The following CNGA2 variants were observed in gnomAD, a reference collection of about 807,000 sequenced individuals.
The protein encoded by CNGA2 is cyclic nucleotide-gated channel alpha-2.
In CNGA2, 22 loss-of-function variants were observed where a neutral mutation model predicts 35.9. The observed-to-expected ratio is 0.61, with a 90% CI of 0.44 to 0.88. The LOEUF (loss-of-function observed/expected upper bound fraction) is 0.88. Ranked by LOEUF, CNGA2 falls within the 40% of genes least tolerant of loss-of-function variation. CNGA2 has a pLI of 0.00. For synonymous variants in CNGA2, 217 were observed against 209.2 expected (o/e 1.04, Z -0.32); for missense variants, 555 against 530.8 (o/e 1.05, Z -0.45).
In CNGA2 at chrX:151,742,519, G is replaced by A. The variant is rs2015314954; in HGVS notation, c.483-17G>A. The A allele has an allele frequency of 2.5e-6, 3 of 1,180,507 alleles. No individual in the cohort carries two copies. The African/African-American group carries it at 5.3e-5, about 21-fold the overall frequency. ...TGGCTGGCTTTGGGGGTGAAGCTTA[G>A]CCCTGTCCTCCCGCAGAGCCTGCTT... is the stretch of plus-strand genomic sequence containing the variant. On this transcript the variant is annotated splice_polypyrimidine_tract_variant and intron_variant, in intron 5 of 6. Coordinates refer to ENST00000329903, the MANE Select transcript of CNGA2 (RefSeq NM_005140.3).
intron 1 of CNGA2, among the ~76,000 whole-genome samples, chrX:151,736,052 T>C (rs986424099): frequency 3.6e-5 from 4 of 111,605 alleles, no homozygotes; most frequent in African/African-American, 1.3e-4. Flanking sequence ...TGCAGACAGC[T>C]CCCTTCCTGA....
At chrX:151,740,003 G>A (rs988195381) in intron 4 of CNGA2, among the ~76,000 whole-genome samples, 3 of 112,315 alleles carry the variant, frequency 2.7e-5, no homozygotes, top group South Asian at 3.7e-4. Context: ...TGAATGTATA[G>A]CCCAGTTCCA....
Position 151,743,259 on chromosome X carries a change from C to T in CNGA2, c.756C>T (p.His252=). 1.7e-6 allele frequency: 2 copies of T among 1,208,438 alleles called. No individual in the cohort carries two copies. The highest frequency in any genetic ancestry group is 2.2e-6 in the Non-Finnish European group (2 of 894,871). ...SPEVRFNRLL[H]FARMFEFFDR... is the part of the protein sequence containing the mutation. ...AGGTGCGCTTCAACCGCCTGCTGCA[C>T]TTTGCCCGCATGTTTGAGTTCTTTG... The change falls in exon 7 of 7, where the codon CAC becomes CAT. Residue 252 remains histidine, a synonymous_variant. Coordinates refer to ENST00000329903, the MANE Select transcript of CNGA2 (RefSeq NM_005140.3).
At chrX:151,737,164 A>ACAG (rs2015255143) in intron 1 of CNGA2, among the ~76,000 whole-genome samples, 1 of 111,796 alleles carries the variant, frequency 8.9e-6, no homozygotes, top group Non-Finnish European at 1.9e-5. Context: ...CAGCTTCCGG[A>ACAG]CTGTGGGTCC....
At chrX:151,738,678 G>T in intron 2 of CNGA2, 85 bp downstream of exon 2, 1 of 1,094,730 alleles carries the variant, frequency 9.1e-7, no homozygotes, top group Non-Finnish European at 1.3e-6. Context: ...AGCAATCTTT[G>T]TCTCCAGGAC....
Position 151,738,842 on chromosome X carries a change from G to T in CNGA2, c.166G>T (p.Val56Leu). Residue 56 changes from valine to leucine, a missense_variant, in exon 3 of 7, where the codon GTG becomes TTG. By Grantham distance (32) the Val-to-Leu change is conservative. Transcript: ENST00000329903. ...TSSELQRLAD[V>L]DAPQQGRSGF... ...CTCAGAACTGCAGAGGCTGGCAGAC[G>T]TGGATGCCCCACAGCAGGGAAGGAG... The T allele has an allele frequency of 1.7e-6, 2 of 1,177,810 alleles. No individual in the cohort carries two copies. The highest frequency in any genetic ancestry group is 2.3e-6 in the Non-Finnish European group (2 of 878,056).
intron 4 of CNGA2, 124 bp downstream of exon 4, chrX:151,739,856 C>A: frequency 1.3e-6 from 1 of 774,775 alleles, no homozygotes; most frequent in Non-Finnish European, 1.8e-6. Flanking sequence ...GAGTGGTGGG[C>A]AAGGGTGATT....
chrX:151,737,894 G>T (rs1384120132), intron 1 of CNGA2, among the ~76,000 whole-genome samples: 1 of 106,920 alleles, frequency 9.4e-6, no homozygotes, highest in Non-Finnish European at 1.9e-5. Context: ...CAGAGCAGCT[G>T]CTCTCTACCC....
Position 151,743,820 on chromosome X carries a change from G to A in CNGA2, c.1317G>A (p.Glu439=). The change falls in exon 7 of 7, where the codon GAG becomes GAA. Residue 439 remains glutamate, a synonymous_variant. Coordinates refer to ENST00000329903, the MANE Select transcript of CNGA2 (RefSeq NM_005140.3). ...ATCTGCCAGCCAAGCTCAGGGCTGA[G>A]ATAGCCATCAATGTCCACTTGTCCA... is the stretch of plus-strand genomic sequence containing the variant. The part of the protein sequence containing the change: ...LKNLPAKLRA[E]IAINVHLSTL... 8.3e-7 allele frequency: 1 copy of A among 1,211,819 alleles called. No homozygotes were observed. Among genetic ancestry groups the A allele is most frequent in the Non-Finnish European group, 1.1e-6 (1 of 895,581 alleles).
At chrX:151,737,062 T>A (rs1301045727) in intron 1 of CNGA2, among the ~76,000 whole-genome samples, 2 of 111,784 alleles carry the variant, frequency 1.8e-5, no homozygotes, top group South Asian at 3.8e-4. Flanking sequence ...CAGGTGAGCA[T>A]CTCTGAGGCT....
chrX:151,744,234 C>G lies in CNGA2; in HGVS notation c.1731C>G (p.Ile577Met), dbSNP rs900006328. The G allele has an allele frequency of 8.3e-7, 1 of 1,210,607 alleles. No individual in the cohort carries two copies. The highest frequency in any genetic ancestry group is 3.0e-5 in the East Asian group (1 of 33,776). The stretch of plus-strand genomic sequence containing the variant: ...TCCTAGAAGAGAGGGGTCGGGAGAT[C>G]CTCATGAAGGAGGGACTGCTGGATG... ...KKVLEERGRE[I>M]LMKEGLLDEN... is the part of the protein sequence containing the mutation. Residue 577 changes from isoleucine (I) to methionine (M), a missense_variant, in exon 7 of 7, where the codon ATC (isoleucine) becomes ATG (methionine). Ile to Met is a conservative substitution (Grantham distance 10). Coordinates refer to ENST00000329903, the MANE Select transcript of CNGA2 (RefSeq NM_005140.3).
At chrX:151,735,758 CT>C (rs773412541) in intron 1 of CNGA2, among the ~76,000 whole-genome samples, 1 of 111,674 alleles carries the variant, frequency 9.0e-6, no homozygotes, top group East Asian at 2.8e-4. Context: ...TGTCAGCCCC[CT>C]ATCCTCCTCC....
At chrX:151,743,028 G>T (rs55650700) in intron 6 of CNGA2, 65 bp from the exon 7 acceptor site, 3 of 8,709 alleles carry the variant, frequency 3.4e-4, no homozygotes, top group Non-Finnish European at 2.6e-4. Context: ...GTATATATAT[G>T]CACATATATA....
At chrX:151,741,053 T>C (rs1302348244) in intron 5 of CNGA2, 152 bp downstream of exon 5, 7 of 465,143 alleles carry the variant, frequency 1.5e-5, no homozygotes, top group Non-Finnish European at 2.3e-5. Context: ...TGAAGATTTC[T>C]TGTCTGTCCT....
chrX:151,740,429 G>A (rs745576837), intron 4 of CNGA2, among the ~76,000 whole-genome samples: 7 of 112,503 alleles, frequency 6.2e-5, no homozygotes, highest in Non-Finnish European at 9.4e-5. Flanking sequence ...TGTGGGAATA[G>A]GCCTAAGCCC....
chrX:151,738,621 A>T, intron 2 of CNGA2, 28 bp downstream of exon 2: 1 of 1,149,251 alleles, frequency 8.7e-7, no homozygotes, highest in Non-Finnish European at 1.2e-6. Context: ...CAGGGAAGGT[A>T]CAGAGGCTGC....
chrX:151,742,947 T>TACATAC (rs1569428277), intron 6 of CNGA2, 146 bp from the exon 7 acceptor site: 39 of 68,583 alleles, frequency 5.7e-4, no homozygotes, highest in African/African-American at 2.7e-3. Flanking sequence ...TATATGTATA[T>TACATAC]GTATATATAT....
chrX:151,735,260 C>T (rs1465609624), intron 1 of CNGA2, among the ~76,000 whole-genome samples: 1 of 112,025 alleles, frequency 8.9e-6, no homozygotes, highest in Non-Finnish European at 1.9e-5. Flanking sequence ...AATCCCACTG[C>T]TCATCTAAGA....
rs780405357 is a variant in CNGA2 at position 151,738,470 on chromosome X, G to C, written c.-14G>C. On this transcript the variant is annotated 5_prime_UTR_variant, in exon 2 of 7. Coordinates refer to ENST00000329903, the MANE Select transcript of CNGA2 (RefSeq NM_005140.3). ...CTCTTCCTGGCAGATAAGTGCTCTG[G>C]TTGTACATGGAGGATGACCGAAAAA... is the stretch of plus-strand genomic sequence containing the variant. The C allele has an allele frequency of 8.4e-7, 1 of 1,193,918 alleles. No individual in the cohort carries two copies. Among genetic ancestry groups the C allele is most frequent in the East Asian group, 3.0e-5 (1 of 33,706 alleles).
Sources: allele counts gnomAD v4.1 joint callset (sites outside exome capture counted in the v4.1 genomes callset), GRCh38; gene constraint gnomAD v4.1.1; transcripts MANE v1.5; gene names NCBI Gene and HGNC (gene_info 2026-07-23, HGNC 2026-07-21).